Variants in CDX1 observed in about 807,000 individuals in gnomAD.
The protein encoded by CDX1 is homeobox protein CDX-1.
Under a neutral mutation model 16.9 loss-of-function variants are expected in CDX1, and 9 were observed. That is an observed-to-expected ratio of 0.53 (90% confidence interval 0.32 to 0.93). The LOEUF is 0.93. CDX1 is among the 40% of genes least tolerant of loss of function. The pLI is 0.04. For missense variants in CDX1, 393 were observed against 386.1 expected, an observed-to-expected ratio of 1.02 and a Z score of -0.15; for synonymous variants, 179 against 179.0, an observed-to-expected ratio of 1.00 and a Z score of 0.00.
intron 1 of CDX1, among the ~76,000 whole-genome samples, chr5:150,179,938 G>A (rs1226972378): frequency 6.6e-6 from 1 of 152,264 alleles, no homozygotes; most frequent in Admixed American, 6.5e-5. Context: ...GAGCTCTAGG[G>A]CATGGGGCAT....
intron 1 of CDX1, among the ~76,000 whole-genome samples, chr5:150,169,098 G>T (rs770304246): frequency 6.6e-6 from 1 of 152,162 alleles, no homozygotes; most frequent in Non-Finnish European, 1.5e-5. Flanking sequence ...TGCTCATGGG[G>T]TGACTTTGGA....
At chr5:150,183,416 A>G (rs1240294754) in intron 2 of CDX1, 58 bp from the exon 3 acceptor site, 1 of 1,442,648 alleles carries the variant, frequency 6.9e-7, no homozygotes. Context: ...TCCTTCTTGC[A>G]CTCTCTCTTT....
At chr5:150,170,602 C>T (rs1761492173) in intron 1 of CDX1, among the ~76,000 whole-genome samples, 1 of 152,144 alleles carries the variant, frequency 6.6e-6, no homozygotes, top group Non-Finnish European at 1.5e-5. Flanking sequence ...TCAAGCCAAG[C>T]AGTTCAGGTC....
At chr5:150,178,795 T>C (rs1461408837) in intron 1 of CDX1, among the ~76,000 whole-genome samples, 1 of 152,204 alleles carries the variant, frequency 6.6e-6, no homozygotes, top group Non-Finnish European at 1.5e-5. Context: ...TATGTGTGTG[T>C]CTCCCCCATT....
At position 150,173,175 on chromosome 5, in the gene CDX1, T is replaced by G. The variant is rs369050065; in HGVS notation, c.445+5854T>G. Among the ~76,000 whole-genome samples, 4 of 152,364 alleles carry G rather than the reference T, an allele frequency of 2.6e-5. No individual in the cohort carries two copies. The East Asian group carries it at 5.8e-4, about 22-fold the overall frequency. ...CATATCCCTCTCCTACAGAATCTGC[T>G]GGCCTCTCCAGCCCCATCTTGTGCC... On this transcript the variant is annotated intron_variant, in intron 1 of 2. Transcript: ENST00000231656.
In CDX1 at chr5:150,183,620, C is replaced by A. The variant is rs779628754; in HGVS notation, c.738C>A (p.Ser246Arg). The change falls in exon 3 of 3, where the codon AGC becomes AGA. Residue 246 changes from serine to arginine, a missense_variant. By Grantham distance (110) the Ser-to-Arg change is moderately radical. Coordinates refer to ENST00000231656, the MANE Select transcript of CDX1 (RefSeq NM_001804.3). Reference sequence around the variant, plus strand: ...CATCCCTGGGGGGCCTGTGTCCCAGCAACACCAGCCTCCTGGCCACCTCCT... The same window carrying A: ...CATCCCTGGGGGGCCTGTGTCCCAGAAACACCAGCCTCCTGGCCACCTCCT... ...AGPSLGGLCP[S>R]NTSLLATSSP... 2 of 1,608,712 alleles carry A rather than the reference C, an allele frequency of 1.2e-6. No homozygotes were observed.
chr5:150,183,416 ACT>A, intron 2 of CDX1, 56 bp from the exon 3 acceptor site: 1 of 1,442,766 alleles, frequency 6.9e-7, no homozygotes, highest in South Asian at 1.3e-5. Flanking sequence ...TCCTTCTTGC[ACT>A]CTCTCTTTCA....
Sources: gnomAD v4.1 joint callset for allele counts (sites outside exome capture counted in the v4.1 genomes callset) on GRCh38, gnomAD v4.1.1 for gene constraint, MANE v1.5 for transcripts, NCBI Gene and HGNC (gene_info 2026-07-23, HGNC 2026-07-21) for gene names.